The following CACNG8 variants were observed in gnomAD, a reference collection of about 807,000 sequenced individuals.
The protein encoded by CACNG8 is voltage-dependent calcium channel gamma-8 subunit.
In CACNG8, 5 loss-of-function variants were observed where a neutral mutation model predicts 26.9. That is an observed-to-expected ratio of 0.19 (90% CI 0.10 to 0.39). The LOEUF (loss-of-function observed/expected upper bound fraction) is 0.39. Among genes scored for constraint, CACNG8 ranks in the 10% least tolerant of loss-of-function variants. CACNG8 has a pLI of 1.00. For missense variants in CACNG8, 473 were observed against 609.4 expected, an observed-to-expected ratio of 0.78 and a Z score of 2.36; for synonymous variants, 321 against 296.7, an observed-to-expected ratio of 1.08 and a Z score of -0.84.
Position 53,989,912 on chromosome 19 carries a change from C to T in CACNG8, c.*7063C>T, listed in dbSNP as rs73937639. Reference sequence around the variant, plus strand: ...CACAGACAATCACACTGCGGGGAAACACGTGCTCCATCGGAAAAGTCCAGA... The same window carrying T: ...CACAGACAATCACACTGCGGGGAAATACGTGCTCCATCGGAAAAGTCCAGA... On this transcript the variant is annotated 3_prime_UTR_variant, in exon 4 of 4. Transcript: ENST00000270458. 16,959 of 152,562 alleles carry T rather than the reference C, an allele frequency of 0.11. 1,608 individuals are homozygous for T. The highest frequency in any genetic ancestry group is 0.26 in the African/African-American group (10,941 of 41,538). 9.5% of individuals were successfully genotyped at this position (152,562 alleles called of 1,614,324 possible).
intron 1 of CACNG8, among the ~76,000 whole-genome samples, chr19:53,966,335 G>T (rs187216488): frequency 3.3e-5 from 5 of 152,038 alleles, no homozygotes; most frequent in African/African-American, 1.2e-4. Context: ...TGATTGGCCC[G>T]CCTAGGCCTC....
At position 53,978,159 on chromosome 19, in the gene CACNG8, C is replaced by G; in HGVS notation, c.297C>G (p.Gly99=). Reference sequence around the variant, plus strand: ...CCGCTCCTCCAGGGTTGAAAAGAGGCGTCTGCGTGAAGATCAATCATTTCC... The same window carrying G: ...CCGCTCCTCCAGGGTTGAAAAGAGGGGTCTGCGTGAAGATCAATCATTTCC... The change falls in exon 2 of 4, where the codon GGC becomes GGG. Residue 99 remains glycine (G), a synonymous_variant. Transcript: ENST00000270458. 9.3e-6 allele frequency: 15 copies of G among 1,612,688 alleles called. No homozygotes were observed. Among genetic ancestry groups the G allele is most frequent in the Non-Finnish European group, 1.3e-5 (15 of 1,179,550 alleles).
At position 53,979,934 on chromosome 19, in the gene CACNG8, C is replaced by T. The variant is rs1165111791; in HGVS notation, c.435C>T (p.Cys145=). Residue 145 remains cysteine (C), a synonymous_variant, in exon 3 of 4, where the codon TGC becomes TGT. Coordinates refer to ENST00000270458, the MANE Select transcript of CACNG8 (RefSeq NM_031895.6). ...TCCTGCTGCTGCTCGGGGGTGTGTG[C>T]GTGGCGGCCTCCCGCGTCTACAAGT... The T allele has an allele frequency of 1.2e-6, 2 of 1,613,182 alleles. No individual in the cohort carries two copies. Among genetic ancestry groups the T allele is most frequent in the Admixed American group, 1.7e-5 (1 of 59,928 alleles).
intron 3 of CACNG8, among the ~76,000 whole-genome samples, chr19:53,980,407 G>A (rs2069359161): frequency 6.6e-6 from 1 of 152,024 alleles, no homozygotes; most frequent in African/African-American, 2.4e-5. Flanking sequence ...TGGAGGGCGG[G>A]CCCAGGAGAG....
intron 1 of CACNG8, among the ~76,000 whole-genome samples, chr19:53,974,614 C>T (rs922595395): frequency 2.1e-5 from 3 of 144,728 alleles, no homozygotes; most frequent in East Asian, 2.0e-4. Context: ...CTTCATAACA[C>T]GTGTTATTTT....
At position 53,980,085 on chromosome 19, in the gene CACNG8, T is replaced by TGTGTGTGTGTGTGC. The variant is rs773734452; in HGVS notation, c.508+79_508+80insTGTGTGTGTGTGCG. 8.9e-6 allele frequency: 9 copies of TGTGTGTGTGTGTGC among 1,012,296 alleles called. No homozygotes were observed. The South Asian group carries it at 2.1e-4, about 24-fold the overall frequency. 62.7% of individuals were successfully genotyped at this position (1,012,296 alleles called of 1,614,324 possible). On this transcript the variant is annotated intron_variant, in intron 3 of 3. Transcript: ENST00000270458. ...GTGTGTGTGTGTGTGTGTGTGTGTG[T>TGTGTGTGTGTGTGC]GCGCGCGCGCGCGTGAGTGCAAGTG...
chr19:53,980,428 A>C (rs917889866), intron 3 of CACNG8, among the ~76,000 whole-genome samples: 3 of 151,316 alleles, frequency 2.0e-5, no homozygotes, highest in Non-Finnish European at 2.9e-5. Flanking sequence ...GTAGAAAGTG[A>C]TCTGAGCGCC....
In CACNG8 at chr19:53,978,508, T is replaced by C. The variant is rs977458663; in HGVS notation, c.367+279T>C. On this transcript the variant is annotated intron_variant, in intron 2 of 3. Coordinates refer to ENST00000270458, the MANE Select transcript of CACNG8 (RefSeq NM_031895.6). ...CTCTCTTTGGCCCTCGCGGCGACTC[T>C]GCGCCGTGACTGGTTGTGGAATCCC... Among the ~76,000 whole-genome samples the C allele has an allele frequency of 9.2e-5, 14 of 152,096 alleles. 1 individual carries two copies. The highest frequency in any genetic ancestry group is 2.9e-4 in the African/African-American group (12 of 41,514).
chr19:53,980,462 C>T (rs1450477543), intron 3 of CACNG8, among the ~76,000 whole-genome samples: 1 of 151,856 alleles, frequency 6.6e-6, no homozygotes, highest in Non-Finnish European at 1.5e-5. Flanking sequence ...CTTTAAGGGG[C>T]GGGCCTTTGG....
At position 53,982,528 on chromosome 19, in the gene CACNG8, C is replaced by CGCGGGGCTG; in HGVS notation, c.964_972dup (p.Leu322_Gly324dup). On this transcript the variant is annotated inframe_insertion, in exon 4 of 4. Transcript: ENST00000270458. The surrounding 1 kb of genome is among the most constrained non-coding windows in gnomAD (Gnocchi z 8.4). ...GCGACCCCTCCAAGGGCAGCGTGGC[C>CGCGGGGCTG]GCGGGGCTGGCGGGGGCCGGCGGCG... 8 of 1,334,174 alleles carry CGCGGGGCTG rather than the reference C, an allele frequency of 6.0e-6. No individual in the cohort carries two copies. Among genetic ancestry groups the CGCGGGGCTG allele is most frequent in the Non-Finnish European group, 7.6e-6 (8 of 1,047,608 alleles). 82.6% of individuals were successfully genotyped at this position (1,334,174 alleles called of 1,614,324 possible). A position where few individuals can be genotyped will look rare whatever the true frequency, so the allele number is the denominator to read the frequency against.
intron 1 of CACNG8, among the ~76,000 whole-genome samples, chr19:53,969,065 G>A (rs1331578808): frequency 4.6e-5 from 7 of 151,960 alleles, no homozygotes; most frequent in Non-Finnish European, 1.0e-4. Flanking sequence ...GTGCAGAGGC[G>A]CGATCTCAAC....
At chr19:53,980,083 TGTGC>T (rs1172694606) in intron 3 of CACNG8, 76 bp downstream of exon 3, 36 of 1,227,446 alleles carry the variant, frequency 2.9e-5, no homozygotes, top group Non-Finnish European at 3.9e-5. Flanking sequence ...TGTGTGTGTG[TGTGC>T]GCGCGCGCGC....
rs1044320278 is a variant in CACNG8 at position 53,987,266 on chromosome 19, C to T, written c.*4417C>T. ...TGTATTTTTAGTAAAGACGGGATTT[C>T]ACCGTGTTGGCCAGGCCAATCTGAA... is the stretch of plus-strand genomic sequence containing the variant. On this transcript the variant is annotated 3_prime_UTR_variant, in exon 4 of 4. Transcript: ENST00000270458. 6.6e-6 allele frequency: 1 copy of T among 152,168 alleles called. No homozygotes were observed. The highest frequency in any genetic ancestry group is 1.5e-5 in the Non-Finnish European group (1 of 68,038). 9.4% of individuals were successfully genotyped at this position (152,168 alleles called of 1,614,324 possible). A position where few individuals can be genotyped will look rare whatever the true frequency, so the allele number is the denominator to read the frequency against.
Position 53,963,444 on chromosome 19 carries a change from T to TCCCCGCAGCCCC in CACNG8, c.283+21_283+32dup. 1.4e-5 allele frequency: 20 copies of TCCCCGCAGCCCC among 1,421,652 alleles called. No individual in the cohort carries two copies. Among genetic ancestry groups the TCCCCGCAGCCCC allele is most frequent in the Non-Finnish European group, 1.6e-5 (18 of 1,093,962 alleles). 88.1% of individuals were successfully genotyped at this position (1,421,652 alleles called of 1,614,324 possible). A position where few individuals can be genotyped will look rare whatever the true frequency, so the allele number is the denominator to read the frequency against. On this transcript the variant is annotated intron_variant, in intron 1 of 3. Coordinates refer to ENST00000270458, the MANE Select transcript of CACNG8 (RefSeq NM_031895.6). ...CTGGAAGGTAGGGTGCGGGCGGCCC[T>TCCCCGCAGCCCC]CCCCGCAGCCCCCGCCGCTCCCCTC...
chr19:53,971,952 G>A (rs1482059134), intron 1 of CACNG8, among the ~76,000 whole-genome samples: 1 of 152,176 alleles, frequency 6.6e-6, no homozygotes, highest in African/African-American at 2.4e-5. Flanking sequence ...AGCTTGATCG[G>A]TGGCATTAAG....
At chr19:53,972,364 T>TTC (rs1555814927) in intron 1 of CACNG8, among the ~76,000 whole-genome samples, 9 of 125,610 alleles carry the variant, frequency 7.2e-5, no homozygotes, top group East Asian at 4.6e-4. Flanking sequence ...TTCTTTTCTT[T>TTC]TTTTTTTTTT....
Position 53,982,964 on chromosome 19 carries a change from G to T in CACNG8, c.*115G>T. Reference sequence around the variant, plus strand: ...TTCCCCCGTGAGCGCGCTGGAGACTGCTGGGCCCGCCCCACGCCCACCCTC... The same window carrying T: ...TTCCCCCGTGAGCGCGCTGGAGACTTCTGGGCCCGCCCCACGCCCACCCTC... On this transcript the variant is annotated 3_prime_UTR_variant, in exon 4 of 4. Coordinates refer to ENST00000270458, the MANE Select transcript of CACNG8 (RefSeq NM_031895.6). The surrounding 1 kb of genome is among the most constrained non-coding windows in gnomAD (Gnocchi z 8.4). The T allele has an allele frequency of 1.6e-6, 1 of 623,844 alleles. No homozygotes were observed. Among genetic ancestry groups the T allele is most frequent in the South Asian group, 7.5e-5 (1 of 13,362 alleles). The allele number at this position is 623,844 out of a possible 1,614,324, so 38.6% of individuals were successfully genotyped here.
rs1277531768 is a variant in CACNG8 at position 53,988,606 on chromosome 19, GAAA to G, written c.*5761_*5763del. The G allele has an allele frequency of 9.2e-6, 1 of 108,680 alleles. No homozygotes were observed. The highest frequency in any genetic ancestry group is 2.0e-5 in the Non-Finnish European group (1 of 50,626). The allele number at this position is 108,680 out of a possible 1,614,324, so 6.7% of individuals were successfully genotyped here. A position where few individuals can be genotyped will look rare whatever the true frequency, so the allele number is the denominator to read the frequency against. On this transcript the variant is annotated 3_prime_UTR_variant, in exon 4 of 4. Coordinates refer to ENST00000270458, the MANE Select transcript of CACNG8 (RefSeq NM_031895.6). ...CAGAGCAAGACTCTGTCTCAAAAAA[GAAA>G]AAAGGTAAAAAAAAAAAAAAATGAC...
intron 1 of CACNG8, among the ~76,000 whole-genome samples, chr19:53,974,064 T>A (rs998283939): frequency 2.0e-5 from 3 of 152,202 alleles, no homozygotes; most frequent in Non-Finnish European, 4.4e-5. Flanking sequence ...TTTCCAGAAC[T>A]CTTTTCGTCT....
Sources: allele counts gnomAD v4.1 joint callset (sites outside exome capture counted in the v4.1 genomes callset), GRCh38; gene constraint gnomAD v4.1.1; non-coding constraint Gnocchi (gnomAD v3.1); transcripts MANE v1.5; gene names NCBI Gene and HGNC (gene_info 2026-07-23, HGNC 2026-07-21).